Variants in IGF2BP3 observed in about 807,000 individuals in gnomAD.
IGF2BP3 encodes insulin like growth factor 2 mRNA binding protein 3.
In IGF2BP3, 9 loss-of-function variants were observed where a neutral mutation model predicts 73.8. The ratio of observed to expected loss-of-function variants is 0.12; its 90% confidence interval spans 0.07 to 0.21. The LOEUF (loss-of-function observed/expected upper bound fraction) is 0.21. IGF2BP3 is among the 10% of genes least tolerant of loss of function. IGF2BP3 has a pLI of 1.00. For synonymous variants in IGF2BP3, 258 were observed against 256.7 expected (o/e 1.01, Z -0.05); for missense variants, 542 against 714.0 (o/e 0.76, Z 2.75).
rs1199221723 is a variant in IGF2BP3, at chr7:23,468,517, G to A, written c.201C>T (p.Pro67=). ...TTGGGACCGAGTGCTCAACTTCTATGGGTTTCCCGTGCAGTTCTATTTTAC... is the reference window on the plus strand; with the variant it reads ...TTGGGACCGAGTGCTCAACTTCTATAGGTTTCCCGTGCAGTTCTATTTTAC... ...LSGKIELHGK[P]IEVEHSVPKR... The change falls in exon 2 of 15, where the codon CCC becomes CCT. Residue 67 remains proline, a synonymous_variant. Coordinates refer to ENST00000258729, the MANE Select transcript of IGF2BP3 (RefSeq NM_006547.3). 3.1e-6 allele frequency: 5 copies of A among 1,614,184 alleles called. No homozygotes were observed. Among genetic ancestry groups the A allele is most frequent in the Non-Finnish European group, 3.4e-6 (4 of 1,180,018 alleles).
At chr7:23,313,923 T>C (rs1783902647) in intron 12 of IGF2BP3, among the ~76,000 whole-genome samples, 1 of 152,218 alleles carries the variant, frequency 6.6e-6, no homozygotes, top group Admixed American at 6.5e-5. Context: ...AGGCAATTAA[T>C]AACCTAATAA....
intron 2 of IGF2BP3, among the ~76,000 whole-genome samples, chr7:23,454,127 T>C (rs1036974876): frequency 6.6e-6 from 1 of 152,206 alleles, no homozygotes; most frequent in South Asian, 2.1e-4. Flanking sequence ...ATTGGATATC[T>C]TTTTGTACAC....
chr7:23,441,994 G>A (rs1368717602), intron 2 of IGF2BP3, among the ~76,000 whole-genome samples: 1 of 152,108 alleles, frequency 6.6e-6, no homozygotes, highest in Non-Finnish European at 1.5e-5. Flanking sequence ...GGGTGTGGTG[G>A]TGCATGCCTG....
chr7:23,412,547 C>T lies in IGF2BP3; in HGVS notation c.285+6229G>A, dbSNP rs143249683. On this transcript the variant is annotated intron_variant, in intron 3 of 14. Coordinates refer to ENST00000258729, the MANE Select transcript of IGF2BP3 (RefSeq NM_006547.3). ...ATGAGTGATGTGGGGGCCCCACCAG[C>T]ATGGAGAACCTGGTGCATAGGCTGT... 4.0e-3 allele frequency among the ~76,000 whole-genome samples: 612 copies of T among 152,282 alleles called. 4 individuals are homozygous for T. The highest frequency in any genetic ancestry group is 0.013 in the African/African-American group (549 of 41,552).
intron 2 of IGF2BP3, among the ~76,000 whole-genome samples, chr7:23,447,516 T>A (rs1788094450): frequency 6.6e-6 from 1 of 150,838 alleles, no homozygotes; most frequent in African/African-American, 2.4e-5. Flanking sequence ...TCCCAGCTAC[T>A]CGGGAGGCTG....
At chr7:23,426,856 A>G (rs567691079) in intron 2 of IGF2BP3, among the ~76,000 whole-genome samples, 13 of 152,332 alleles carry the variant, frequency 8.5e-5, no homozygotes, top group Non-Finnish European at 1.8e-4. Context: ...GTTGAAAACC[A>G]TGATTTTCTC....
At chr7:23,340,126 C>A (rs1784671986) in intron 10 of IGF2BP3, among the ~76,000 whole-genome samples, 1 of 152,150 alleles carries the variant, frequency 6.6e-6, no homozygotes, top group Non-Finnish European at 1.5e-5. Flanking sequence ...TGGGCCAGAC[C>A]TGGGCTCTGA....
chr7:23,434,719 A>G (rs1787767282), intron 2 of IGF2BP3, among the ~76,000 whole-genome samples: 1 of 152,208 alleles, frequency 6.6e-6, no homozygotes, highest in Non-Finnish European at 1.5e-5. Flanking sequence ...TGCAAATGCA[A>G]TGCTACGTTA....
intron 2 of IGF2BP3, among the ~76,000 whole-genome samples, chr7:23,436,913 C>A (rs1053091538): frequency 1.3e-5 from 2 of 152,044 alleles, no homozygotes. Context: ...GTCAGCAGTT[C>A]AAGACCAGCC....
chr7:23,428,621 C>T (rs983580789), intron 2 of IGF2BP3, among the ~76,000 whole-genome samples: 12 of 150,260 alleles, frequency 8.0e-5, no homozygotes, highest in African/African-American at 2.0e-4. Context: ...GTGGGAAAAC[C>T]GCTTGGGCCC....
At chr7:23,327,598 C>T (rs1784337645) in intron 10 of IGF2BP3, among the ~76,000 whole-genome samples, 1 of 152,126 alleles carries the variant, frequency 6.6e-6, no homozygotes, top group Non-Finnish European at 1.5e-5. Flanking sequence ...CTTAAAAAGT[C>T]TCAAACAACC....
At chr7:23,321,772 C>T (rs186704718) in intron 10 of IGF2BP3, among the ~76,000 whole-genome samples, 120 of 152,302 alleles carry the variant, frequency 7.9e-4, no homozygotes, top group Non-Finnish European at 1.4e-3. Context: ...ACCCCTGACC[C>T]CCAAGCAGCC....
chr7:23,443,690 T>C (rs932400278), intron 2 of IGF2BP3, among the ~76,000 whole-genome samples: 2 of 151,228 alleles, frequency 1.3e-5, no homozygotes, highest in Non-Finnish European at 2.9e-5. Context: ...ATAATAATAA[T>C]AAGCAAAAAT....
At chr7:23,325,555 A>C (rs1207894485) in intron 10 of IGF2BP3, among the ~76,000 whole-genome samples, 1 of 152,238 alleles carries the variant, frequency 6.6e-6, no homozygotes, top group Non-Finnish European at 1.5e-5. Flanking sequence ...CTTTCTTCAC[A>C]GAACTGGAAA....
At chr7:23,433,845 C>T (rs1787746162) in intron 2 of IGF2BP3, among the ~76,000 whole-genome samples, 1 of 152,038 alleles carries the variant, frequency 6.6e-6, no homozygotes, top group Non-Finnish European at 1.5e-5. Flanking sequence ...GAGGCCGAGG[C>T]GGGAGGATCA....
At chr7:23,393,812 G>A (rs948631940) in intron 3 of IGF2BP3, among the ~76,000 whole-genome samples, 1 of 152,138 alleles carries the variant, frequency 6.6e-6, no homozygotes, top group Non-Finnish European at 1.5e-5. Flanking sequence ...AGGATTCTGC[G>A]GCCTAATCTA....
In IGF2BP3 at chr7:23,311,287, CA is replaced by C. The variant is rs1783820814; in HGVS notation, c.*1074del. On this transcript the variant is annotated 3_prime_UTR_variant, in exon 15 of 15. Transcript: ENST00000258729. ...GTGGCAAACTAAGCATCCTATAAGA[CA>C]AGCTAAAGCTTGCTTTTTGCCAGTC... 1 of 152,560 alleles carries C rather than the reference CA, an allele frequency of 6.6e-6. No homozygotes were observed. The highest frequency in any genetic ancestry group is 1.5e-5 in the Non-Finnish European group (1 of 68,048). The allele number at this position is 152,560 out of a possible 1,614,324, so 9.5% of individuals were successfully genotyped here. A position where few individuals can be genotyped will look rare whatever the true frequency, so the allele number is the denominator to read the frequency against.
chr7:23,458,126 C>T (rs1788363771), intron 2 of IGF2BP3, among the ~76,000 whole-genome samples: 1 of 152,188 alleles, frequency 6.6e-6, no homozygotes, highest in Non-Finnish European at 1.5e-5. Context: ...CCTTTACACA[C>T]ATTGTCCAAC....
intron 2 of IGF2BP3, among the ~76,000 whole-genome samples, chr7:23,437,319 C>T (rs1428612683): frequency 2.0e-5 from 3 of 151,268 alleles, no homozygotes; most frequent in Admixed American, 6.6e-5. Context: ...CCCATCTCTA[C>T]TAAAAACACC....
Sources: gnomAD v4.1 joint callset for allele counts (sites outside exome capture counted in the v4.1 genomes callset) on GRCh38, gnomAD v4.1.1 for gene constraint, MANE v1.5 for transcripts, NCBI Gene and HGNC (gene_info 2026-07-23, HGNC 2026-07-21) for gene names.